Variants in SLC4A2 observed in about 807,000 individuals in gnomAD.
The protein encoded by SLC4A2 is solute carrier family 4 member 2.
A neutral mutation model predicts 115.0 loss-of-function variants in SLC4A2; 36 were observed. The observed-to-expected ratio is 0.31, with a 90% CI of 0.24 to 0.41. The LOEUF (loss-of-function observed/expected upper bound fraction) is 0.41. Among genes scored for constraint, SLC4A2 ranks in the 10% least tolerant of loss-of-function variants. The pLI is 1.00. For synonymous variants in SLC4A2, 708 were observed against 708.3 expected, an observed-to-expected ratio of 1.00 and a Z score of 0.01; for missense variants, 1,252 against 1,705.6, an observed-to-expected ratio of 0.73 and a Z score of 4.68.
intron 2 of SLC4A2, among the ~76,000 whole-genome samples, chr7:151,063,364 G>A (rs1393054384): frequency 6.6e-6 from 1 of 152,168 alleles, no homozygotes; most frequent in African/African-American, 2.4e-5. Context: ...CTTGGGCGCC[G>A]CCAGAAGTTA....
chr7:151,074,769 GGAT>G lies in SLC4A2; in HGVS notation c.2980_2982del (p.Met994del). Reference sequence around the variant, plus strand: ...GGAGAGAAGAGCCCCTTCCCTGTGTGGATGATGGTTGCCAGCCTGCTGCCCGCC... The same window carrying G: ...GGAGAGAAGAGCCCCTTCCCTGTGTGGATGGTTGCCAGCCTGCTGCCCGCC... On this transcript the variant is annotated inframe_deletion, in exon 19 of 23. Transcript: ENST00000413384. The G allele has an allele frequency of 1.2e-6, 2 of 1,613,672 alleles. No individual in the cohort carries two copies. Among genetic ancestry groups the G allele is most frequent in the Non-Finnish European group, 1.7e-6 (2 of 1,179,864 alleles).
intron 8 of SLC4A2, among the ~76,000 whole-genome samples, chr7:151,068,989 A>T (rs181177970): frequency 6.6e-6 from 1 of 151,728 alleles, no homozygotes; most frequent in East Asian, 1.9e-4. Context: ...AATACAAAAA[A>T]TTAGCGGGGC....
intron 7 of SLC4A2, 84 bp from the exon 8 acceptor site, chr7:151,067,790 C>CCT: frequency 8.2e-7 from 1 of 1,214,978 alleles, no homozygotes; most frequent in Non-Finnish European, 1.2e-6. Context: ...CACTTGGCTC[C>CCT]CTCTGACACC....
In SLC4A2 at chr7:151,074,166, A is replaced by G; in HGVS notation, c.2663A>G (p.Gln888Arg). The G allele has an allele frequency of 6.2e-7, 1 of 1,612,856 alleles. No homozygotes were observed. Among genetic ancestry groups the G allele is most frequent in the Non-Finnish European group, 8.5e-7 (1 of 1,179,984 alleles). Residue 888 changes from glutamine (Q) to arginine (R), a missense_variant, in exon 17 of 23, where the codon CAG becomes CGG. Coordinates refer to ENST00000413384, the MANE Select transcript of SLC4A2 (RefSeq NM_003040.4). ...LGPGNRSLAG[Q>R]SGQGKPRGQP... ...CCGGGCAACAGGAGCTTGGCTGGGC[A>G]GTCTGGGCAGGGGAAGCCCCGGGGC...
intron 6 of SLC4A2, 26 bp downstream of exon 6, chr7:151,066,787 C>G (rs772363446): frequency 7.6e-6 from 12 of 1,583,618 alleles, no homozygotes; most frequent in South Asian, 4.6e-5. Context: ...TGGCCAAGCC[C>G]GGCACTGGTG....
In SLC4A2 at chr7:151,070,467, C is replaced by G; in HGVS notation, c.1460C>G (p.Pro487Arg). Reference protein sequence around the residue: ...RLEVERERELPPPAPPAGITR... With the variant: ...RLEVERERELRPPAPPAGITR... ...GTCTGTGTCCCCCAGCGTGAGCTGC[C>G]GCCTCCAGCACCACCAGCTGGCATC... Residue 487 changes from proline (P) to arginine (R), a missense_variant, in exon 11 of 23, where the codon CCG becomes CGG. Around this residue, in one of 14 missense-constraint regions of SLC4A2, gnomAD observed 142 missense variants for 153.5 expected, o/e 0.93. Coordinates refer to ENST00000413384, the MANE Select transcript of SLC4A2 (RefSeq NM_003040.4). The G allele has an allele frequency of 1.9e-6, 3 of 1,612,362 alleles. No individual in the cohort carries two copies. The highest frequency in any genetic ancestry group is 2.5e-6 in the Non-Finnish European group (3 of 1,179,350).
chr7:151,074,885 G>T, intron 19 of SLC4A2, 44 bp downstream of exon 19: 1 of 1,534,518 alleles, frequency 6.5e-7, no homozygotes, highest in Non-Finnish European at 8.8e-7. Flanking sequence ...CAGAGCCCCA[G>T]GCCAGGCTGG....
Position 151,070,465 on chromosome 7 carries a change from G to A in SLC4A2, c.1458G>A (p.Leu486=), listed in dbSNP as rs200890711. 8.7e-6 allele frequency: 14 copies of A among 1,612,240 alleles called. No homozygotes were observed. The African/African-American group carries it at 1.5e-4, about 17-fold the overall frequency. The change falls in exon 11 of 23, where the codon CTG becomes CTA. Residue 486 remains leucine (L), a synonymous_variant. Transcript: ENST00000413384. ...TRLEVERERE[L]PPPAPPAGIT... is the part of the protein sequence containing the mutation. The stretch of plus-strand genomic sequence containing the variant: ...CTGTCTGTGTCCCCCAGCGTGAGCT[G>A]CCGCCTCCAGCACCACCAGCTGGCA...
chr7:151,069,734 G>A (rs35656013), intron 8 of SLC4A2, among the ~76,000 whole-genome samples: 3,515 of 152,144 alleles, frequency 0.023, 138 homozygotes, highest in African/African-American at 0.08. Context: ...GCCTCATAAC[G>A]TTCCTGGGGG....
At chr7:151,067,480 T>C (rs1797273787) in intron 7 of SLC4A2, among the ~76,000 whole-genome samples, 2 of 152,188 alleles carry the variant, frequency 1.3e-5, no homozygotes, top group Non-Finnish European at 2.9e-5. Context: ...GTGATTATAC[T>C]CCCCATGGTG....
chr7:151,071,738 A>G lies in SLC4A2; in HGVS notation c.2241A>G (p.Thr747=). ...LIGVSELIMS[T]ALQGVVFCLL... is the part of the protein sequence containing the mutation. ...GGGTGTCGGAGCTGATTATGTCCAC[A>G]GCGCTCCAGGGCGTGGTCTTCTGCC... is the stretch of plus-strand genomic sequence containing the variant. The change falls in exon 15 of 23, where the codon ACA becomes ACG. Residue 747 remains threonine (T), a synonymous_variant. Transcript: ENST00000413384. The surrounding 1 kb of genome is among the most constrained non-coding windows in gnomAD (Gnocchi z 5.5). 6.2e-7 allele frequency: 1 copy of G among 1,612,434 alleles called. No homozygotes were observed. The highest frequency in any genetic ancestry group is 8.5e-7 in the Non-Finnish European group (1 of 1,179,444).
intron 8 of SLC4A2, 54 bp from the exon 9 acceptor site, chr7:151,069,893 T>C (rs1584992429): frequency 6.2e-7 from 1 of 1,610,408 alleles, no homozygotes. Flanking sequence ...TCCCATCTCC[T>C]GCCACTGTTT....
intron 16 of SLC4A2, 173 bp from the exon 17 acceptor site, chr7:151,073,866 T>C: frequency 2.9e-6 from 2 of 683,770 alleles, no homozygotes; most frequent in Non-Finnish European, 2.4e-6. Flanking sequence ...TGCCCCACAC[T>C]GCCCTGTGCT....
chr7:151,074,440 C>T lies in SLC4A2; in HGVS notation c.2832C>T (p.Ile944=). ...VIGDFGVPIA[I]LIMVLVDYSI... ...GGGACTTTGGGGTGCCCATCGCCATCCTCATCATGGTGCTTGTGGATTACA... is the reference window on the plus strand; with the variant it reads ...GGGACTTTGGGGTGCCCATCGCCATTCTCATCATGGTGCTTGTGGATTACA... Residue 944 remains isoleucine (I), a synonymous_variant, in exon 18 of 23, where the codon ATC becomes ATT. Coordinates refer to ENST00000413384, the MANE Select transcript of SLC4A2 (RefSeq NM_003040.4). The T allele has an allele frequency of 6.2e-7, 1 of 1,614,080 alleles. No homozygotes were observed. The highest frequency in any genetic ancestry group is 8.5e-7 in the Non-Finnish European group (1 of 1,180,034).
chr7:151,064,871 T>A lies in SLC4A2; in HGVS notation c.483T>A (p.Ser161Arg). 6.2e-7 allele frequency: 1 copy of A among 1,613,930 alleles called. No homozygotes were observed. Among genetic ancestry groups the A allele is most frequent in the African/African-American group, 1.3e-5 (1 of 75,020 alleles). ...SVQFFLQEDD[S>R]ADRKAERTSP... The stretch of plus-strand genomic sequence containing the variant: ...AGTTCTTTCTCCAAGAGGATGACAG[T>A]GCTGACCGGAAGGCAGAGAGGACCA... The change falls in exon 5 of 23, where the codon AGT (serine) becomes AGA (arginine). Residue 161 changes from serine to arginine, a missense_variant. Around this residue, in one of 14 missense-constraint regions of SLC4A2, gnomAD observed 215 missense variants for 205.2 expected, o/e 1.05. Coordinates refer to ENST00000413384, the MANE Select transcript of SLC4A2 (RefSeq NM_003040.4).
At position 151,064,387 on chromosome 7, in the gene SLC4A2, AG is replaced by A; in HGVS notation, c.217+25del. The A allele has an allele frequency of 6.4e-6, 1 of 156,352 alleles. No individual in the cohort carries two copies. The highest frequency in any genetic ancestry group is 1.1e-5 in the Non-Finnish European group (1 of 90,108). 9.7% of individuals were successfully genotyped at this position (156,352 alleles called of 1,614,324 possible). On this transcript the variant is annotated intron_variant, in intron 3 of 22. Coordinates refer to ENST00000413384, the MANE Select transcript of SLC4A2 (RefSeq NM_003040.4). The stretch of plus-strand genomic sequence containing the variant: ...TTGAGTGTGAGGGGGCAGGCAGGGG[AG>A]GGGGAGGTGGGGGGATCAGGTTTGA...
chr7:151,075,949 G>A, intron 21 of SLC4A2, 64 bp from the exon 22 acceptor site: 2 of 1,516,268 alleles, frequency 1.3e-6, no homozygotes, highest in Non-Finnish European at 1.8e-6. Context: ...CTCCGAAGAA[G>A]AGAGAGGCTC....
In SLC4A2 at chr7:151,064,321, T is replaced by C; in HGVS notation, c.171T>C (p.Arg57=). 6.8e-7 allele frequency: 1 copy of C among 1,475,706 alleles called. No homozygotes were observed. 91.4% of individuals were successfully genotyped at this position (1,475,706 alleles called of 1,614,324 possible). The change falls in exon 3 of 23, where the codon CGT becomes CGC. Residue 57 remains arginine (R), a synonymous_variant. Coordinates refer to ENST00000413384, the MANE Select transcript of SLC4A2 (RefSeq NM_003040.4). ...FEEILQEAGS[R]GGEEPGRSYG... ...AGATCCTACAGGAGGCCGGGTCTCG[T>C]GGAGGGGAGGAGCCAGGCCGCAGCT...
Position 151,059,614 on chromosome 7 carries a change from G to C in SLC4A2, c.-212G>C, listed in dbSNP as rs1208311976. ...GCACGCAGGGGGCTGGCCTGCCCGC[G>C]GCGCGGGGGAAAGTTGAGTTGGGAG... is the stretch of plus-strand genomic sequence containing the variant. On this transcript the variant is annotated 5_prime_UTR_variant, in exon 1 of 23. Coordinates refer to ENST00000413384, the MANE Select transcript of SLC4A2 (RefSeq NM_003040.4). This position sits in a 1 kb window ranked among gnomAD's most constrained non-coding sequence, Gnocchi z 5.8. 2.0e-5 allele frequency: 3 copies of C among 151,430 alleles called. No homozygotes were observed. 9.4% of individuals were successfully genotyped at this position (151,430 alleles called of 1,614,324 possible).
Sources: allele counts gnomAD v4.1 joint callset (sites outside exome capture counted in the v4.1 genomes callset), GRCh38; gene constraint gnomAD v4.1.1; regional missense constraint gnomAD v4.1.1; non-coding constraint Gnocchi (gnomAD v3.1); transcripts MANE v1.5; gene names NCBI Gene and HGNC (gene_info 2026-07-23, HGNC 2026-07-21).